Variants in KCNIP4 observed in about 807,000 individuals in gnomAD.
KCNIP4 encodes potassium voltage-gated channel interacting protein 4.
Under a neutral mutation model 34.0 loss-of-function variants are expected in KCNIP4, and 12 were observed. The ratio of observed to expected loss-of-function variants is 0.35; its 90% CI spans 0.23 to 0.57. The LOEUF (loss-of-function observed/expected upper bound fraction) is 0.57, where lower values mean the gene tolerates loss of function less well. Ranked by LOEUF, KCNIP4 falls within the 20% of genes least tolerant of loss-of-function variation. The pLI is 0.83. For missense variants in KCNIP4, 238 were observed against 311.7 expected, an observed-to-expected ratio of 0.76 and a Z score of 1.78; for synonymous variants, 124 against 102.2, an observed-to-expected ratio of 1.21 and a Z score of -1.29.
chr4:21,099,301 A>C (rs2109063777), intron 1 of KCNIP4, among the ~76,000 whole-genome samples: 1 of 152,362 alleles, frequency 6.6e-6, no homozygotes, highest in African/African-American at 2.4e-5. Flanking sequence ...AAAATGAATA[A>C]GATCATGCCC....
At chr4:21,239,045 G>C (rs1329538992) in intron 1 of KCNIP4, among the ~76,000 whole-genome samples, 1 of 151,958 alleles carries the variant, frequency 6.6e-6, no homozygotes, top group African/African-American at 2.4e-5. Flanking sequence ...CAATGGAACA[G>C]AACAGAGCCC....
At chr4:21,604,518 T>C (rs1290562003) in intron 1 of KCNIP4, among the ~76,000 whole-genome samples, 5 of 152,210 alleles carry the variant, frequency 3.3e-5, no homozygotes, top group Non-Finnish European at 5.9e-5. Context: ...TTTAACACGA[T>C]ATATTTTGCT....
At chr4:20,851,127 C>T (rs1313109903) in intron 2 of KCNIP4, among the ~76,000 whole-genome samples, 6 of 152,148 alleles carry the variant, frequency 3.9e-5, no homozygotes, top group African/African-American at 1.4e-4. Flanking sequence ...GTTTGCTGCA[C>T]AGATCATCCC....
At chr4:21,665,877 T>G (rs971412865) in intron 1 of KCNIP4, among the ~76,000 whole-genome samples, 5 of 152,220 alleles carry the variant, frequency 3.3e-5, no homozygotes, top group Admixed American at 2.0e-4. Flanking sequence ...ATCCTTCCTC[T>G]GACCATACAT....
intron 1 of KCNIP4, among the ~76,000 whole-genome samples, chr4:21,236,411 T>A (rs1186550410): frequency 6.6e-6 from 1 of 152,178 alleles, no homozygotes; most frequent in Non-Finnish European, 1.5e-5. Context: ...TTTCATTTAT[T>A]TTTCCACTAA....
chr4:21,058,487 A>C (rs1274239969), intron 1 of KCNIP4, among the ~76,000 whole-genome samples: 1 of 152,096 alleles, frequency 6.6e-6, no homozygotes, highest in East Asian at 1.9e-4. Context: ...TGTGTCCATG[A>C]TCATGTCACT....
intron 1 of KCNIP4, among the ~76,000 whole-genome samples, chr4:21,773,905 T>G (rs1399277908): frequency 6.6e-6 from 1 of 152,078 alleles, no homozygotes; most frequent in Non-Finnish European, 1.5e-5. Context: ...TGCCAGTCTG[T>G]GTGTTCTAAT....
intron 1 of KCNIP4, among the ~76,000 whole-genome samples, chr4:21,255,306 A>C (rs897212434): frequency 3.9e-5 from 6 of 152,146 alleles, no homozygotes; most frequent in Non-Finnish European, 8.8e-5. Context: ...CCAAGTAATA[A>C]CAGCTAAGTT....
At position 21,922,705 on chromosome 4, in the gene KCNIP4, T is replaced by C. The variant is rs538728501; in HGVS notation, c.61+25866A>G. 1.9e-3 allele frequency among the ~76,000 whole-genome samples: 291 copies of C among 152,294 alleles called. 2 individuals carry two copies. Among genetic ancestry groups the C allele is most frequent in the African/African-American group, 6.4e-3 (268 of 41,572 alleles). ...CAAACTACTAAGATACCTACTAATGTGGCCTTGTGCAAAGGGGGCCAGAAG... is the reference window on the plus strand; with the variant it reads ...CAAACTACTAAGATACCTACTAATGCGGCCTTGTGCAAAGGGGGCCAGAAG... On this transcript the variant is annotated intron_variant, in intron 1 of 8. Coordinates refer to ENST00000382152, the MANE Select transcript of KCNIP4 (RefSeq NM_025221.6).
intron 1 of KCNIP4, among the ~76,000 whole-genome samples, chr4:21,098,786 A>AT (rs1222704746): frequency 9.9e-5 from 15 of 152,212 alleles, no homozygotes; most frequent in Admixed American, 6.5e-5. Context: ...AATAATTTTG[A>AT]TTTTCTCATG....
chr4:21,901,364 C>T (rs767924463), intron 1 of KCNIP4, among the ~76,000 whole-genome samples: 11 of 152,198 alleles, frequency 7.2e-5, no homozygotes, highest in Non-Finnish European at 1.5e-4. Context: ...CTCGTGCTTA[C>T]ACCTGAGGGG....
intron 1 of KCNIP4, among the ~76,000 whole-genome samples, chr4:21,134,861 C>T (rs1466915903): frequency 2.0e-5 from 3 of 152,302 alleles, no homozygotes; most frequent in East Asian, 1.9e-4. Context: ...GCATAGCCTT[C>T]GGCCATAAAC....
intron 1 of KCNIP4, among the ~76,000 whole-genome samples, chr4:21,483,661 G>C (rs1465768524): frequency 6.6e-6 from 1 of 151,900 alleles, no homozygotes; most frequent in South Asian, 2.1e-4. Context: ...GTGGTGGCAC[G>C]CACCTGTAAT....
At chr4:21,674,908 T>G (rs988897981) in intron 1 of KCNIP4, among the ~76,000 whole-genome samples, 2 of 152,192 alleles carry the variant, frequency 1.3e-5, no homozygotes, top group African/African-American at 4.8e-5. Flanking sequence ...ATCAAATATC[T>G]AATTCTTATA....
chr4:20,758,193 C>T (rs935608268), intron 4 of KCNIP4, among the ~76,000 whole-genome samples: 1 of 152,138 alleles, frequency 6.6e-6, no homozygotes. Context: ...TCTTTTCACT[C>T]ATCTCTAACA....
intron 1 of KCNIP4, among the ~76,000 whole-genome samples, chr4:21,100,568 T>A (rs1033520998): frequency 6.6e-6 from 1 of 151,644 alleles, no homozygotes; most frequent in Non-Finnish European, 1.5e-5. Context: ...AATAAATAAA[T>A]AAAAATAAAT....
At chr4:21,682,511 C>G (rs1297827703) in intron 1 of KCNIP4, among the ~76,000 whole-genome samples, 1 of 152,154 alleles carries the variant, frequency 6.6e-6, no homozygotes, top group East Asian at 1.9e-4. Flanking sequence ...CATGTCTTCA[C>G]TAGAATAGCA....
At chr4:20,884,182 A>G (rs935208053) in intron 1 of KCNIP4, among the ~76,000 whole-genome samples, 6 of 152,182 alleles carry the variant, frequency 3.9e-5, no homozygotes, top group Non-Finnish European at 8.8e-5. Context: ...AGAAGACTTG[A>G]TTCATTTCCT....
At chr4:21,839,921 C>T (rs1009654155) in intron 1 of KCNIP4, among the ~76,000 whole-genome samples, 1 of 152,034 alleles carries the variant, frequency 6.6e-6, no homozygotes, top group African/African-American at 2.4e-5. Context: ...ATCTCCGTCT[C>T]ATATAAGGTG....
Sources: allele counts gnomAD v4.1 joint callset (sites outside exome capture counted in the v4.1 genomes callset), GRCh38; gene constraint gnomAD v4.1.1; transcripts MANE v1.5; gene names NCBI Gene and HGNC (gene_info 2026-07-23, HGNC 2026-07-21).